Variants in EEFSEC observed in about 807,000 individuals in gnomAD.
EEFSEC encodes selenocysteine-specific elongation factor.
EEFSEC carries 43 observed loss-of-function variants against 42.1 expected under a neutral mutation model. The ratio of observed to expected loss-of-function variants is 1.02; its 90% CI spans 0.80 to 1.32. The LOEUF is 1.32. Among genes scored for constraint, EEFSEC ranks in the 40% most tolerant of loss-of-function variants. The probability of loss-of-function intolerance (pLI) is 0.00; values close to 1 mark genes in which losing one functional copy is unlikely to be tolerated. For missense variants in EEFSEC, 745 were observed against 803.6 expected, an observed-to-expected ratio of 0.93 and a Z score of 0.88; for synonymous variants, 354 against 339.1, an observed-to-expected ratio of 1.04 and a Z score of -0.48.
At chr3:128,396,321 C>T (rs116681863) in intron 6 of EEFSEC, among the ~76,000 whole-genome samples, 2,255 of 152,244 alleles carry the variant, frequency 0.015, 52 homozygotes, top group African/African-American at 0.051. Flanking sequence ...CAGCTACTGG[C>T]GAGGACATGT....
Position 128,263,801 on chromosome 3 carries a change from C to A in EEFSEC, c.622-816C>A, listed in dbSNP as rs188230774. ...GGTGATGAGCCCTGACAGCATCTCC[C>A]GGCACACAGGTGGCATGAGGAGAAT... On this transcript the variant is annotated intron_variant, in intron 3 of 6. Coordinates refer to ENST00000254730, the MANE Select transcript of EEFSEC (RefSeq NM_021937.5). Among the ~76,000 whole-genome samples, 780 of 152,322 alleles carry A rather than the reference C, an allele frequency of 5.1e-3. 13 individuals are homozygous for A. The highest frequency in any genetic ancestry group is 0.018 in the African/African-American group (754 of 41,558).
intron 6 of EEFSEC, among the ~76,000 whole-genome samples, chr3:128,381,336 C>G (rs960400655): frequency 1.3e-5 from 2 of 152,194 alleles, no homozygotes; most frequent in African/African-American, 4.8e-5. Context: ...ATTTGGCCCT[C>G]TCCCTGAGTG....
intron 1 of EEFSEC, among the ~76,000 whole-genome samples, chr3:128,240,049 G>A (rs1452341817): frequency 6.6e-6 from 1 of 152,250 alleles, no homozygotes; most frequent in Non-Finnish European, 1.5e-5. Context: ...GAGAGAGAGT[G>A]CATGAGTGTG....
intron 6 of EEFSEC, among the ~76,000 whole-genome samples, chr3:128,373,482 A>G (rs114576671): frequency 0.018 from 2,816 of 152,320 alleles, 92 homozygotes; most frequent in African/African-American, 0.063. Context: ...TCTGTGGCCC[A>G]CACAGGATCT....
chr3:128,423,061 T>A, the EEFSEC span, among the ~76,000 whole-genome samples: 3 of 152,222 alleles, frequency 2.0e-5, no homozygotes, highest in Non-Finnish European at 2.9e-5. Context: ...ACCCTGTCTG[T>A]GCCTCAGCGA....
chr3:128,337,742 G>A (rs1389375352), intron 4 of EEFSEC, among the ~76,000 whole-genome samples: 2 of 152,262 alleles, frequency 1.3e-5, no homozygotes, highest in Non-Finnish European at 2.9e-5. Context: ...GGATTTAGAA[G>A]GGAAGAGATG....
intron 4 of EEFSEC, among the ~76,000 whole-genome samples, chr3:128,269,901 G>T (rs1203441081): frequency 6.6e-5 from 10 of 152,224 alleles, no homozygotes. Context: ...TTCTGGTGAT[G>T]ATTGGCTATC....
At chr3:128,238,761 T>C (rs565730764) in intron 1 of EEFSEC, among the ~76,000 whole-genome samples, 1 of 152,322 alleles carries the variant, frequency 6.6e-6, no homozygotes, top group South Asian at 2.1e-4. Context: ...AAGTGTGTAA[T>C]GGCTGTTATT....
At chr3:128,351,613 C>T (rs1242750820) in intron 5 of EEFSEC, among the ~76,000 whole-genome samples, 1 of 152,258 alleles carries the variant, frequency 6.6e-6, no homozygotes, top group Non-Finnish European at 1.5e-5. Context: ...GGTCACTTCA[C>T]AGCTTGGGCA....
At chr3:128,297,664 G>A (rs1003489467) in intron 4 of EEFSEC, among the ~76,000 whole-genome samples, 1 of 152,210 alleles carries the variant, frequency 6.6e-6, no homozygotes, top group Non-Finnish European at 1.5e-5. Context: ...TTTGAGTCTT[G>A]TGCAGCCTGC....
At chr3:128,226,069 G>A (rs2107856305) in intron 1 of EEFSEC, among the ~76,000 whole-genome samples, 1 of 152,352 alleles carries the variant, frequency 6.6e-6, no homozygotes, top group Non-Finnish European at 1.5e-5. Flanking sequence ...GAGCTCAGGG[G>A]CTGTGGAAAC....
chr3:128,327,600 T>C (rs1044666578), intron 4 of EEFSEC, among the ~76,000 whole-genome samples: 1 of 152,042 alleles, frequency 6.6e-6, no homozygotes, highest in Non-Finnish European at 1.5e-5. Context: ...AGATGGGCCA[T>C]GAAGAATGAG....
chr3:128,403,365 A>G (rs1427966157), intron 6 of EEFSEC, among the ~76,000 whole-genome samples: 9 of 152,168 alleles, frequency 5.9e-5, no homozygotes, highest in Non-Finnish European at 1.5e-5. Flanking sequence ...AGAGGTCCAG[A>G]GCAGCCCCCA....
At chr3:128,186,226 C>G (rs1296582382) in intron 1 of EEFSEC, among the ~76,000 whole-genome samples, 1 of 152,124 alleles carries the variant, frequency 6.6e-6, no homozygotes, top group Non-Finnish European at 1.5e-5. Flanking sequence ...GTTAATATAT[C>G]TTCTTTGGAG....
In EEFSEC at chr3:128,318,614, C is replaced by T. The variant is rs1331251995; in HGVS notation, c.787-22619C>T. 5.3e-5 allele frequency among the ~76,000 whole-genome samples: 8 copies of T among 152,332 alleles called. No homozygotes were observed. In the East Asian group the frequency reaches 1.4e-3, roughly 26 times the overall value. ...TCTCCACAGCCATTTGTAAGTCCAG[C>T]GAGACTGCGGACTGCTGTCCCTGGT... On this transcript the variant is annotated intron_variant, in intron 4 of 6. Coordinates refer to ENST00000254730, the MANE Select transcript of EEFSEC (RefSeq NM_021937.5).
chr3:128,422,520 C>T, the EEFSEC span, among the ~76,000 whole-genome samples: 471 of 152,286 alleles, frequency 3.1e-3, 3 homozygotes, highest in African/African-American at 0.011. Context: ...GGGAAGTGTG[C>T]AGGGCCACGC....
At chr3:128,180,373 T>C (rs1479737893) in intron 1 of EEFSEC, among the ~76,000 whole-genome samples, 1 of 152,192 alleles carries the variant, frequency 6.6e-6, no homozygotes, top group African/African-American at 2.4e-5. Context: ...CCGTTTTTCT[T>C]CTTCTACACA....
chr3:128,205,020 C>G (rs553368487), intron 1 of EEFSEC, among the ~76,000 whole-genome samples: 5 of 152,118 alleles, frequency 3.3e-5, no homozygotes, highest in Non-Finnish European at 5.9e-5. Flanking sequence ...GGTTATAAGG[C>G]AGATTTGATT....
intron 1 of EEFSEC, among the ~76,000 whole-genome samples, chr3:128,218,238 T>C (rs1379725461): frequency 6.6e-6 from 1 of 152,216 alleles, no homozygotes; most frequent in Non-Finnish European, 1.5e-5. Context: ...GTTTCATGTA[T>C]AGGCCTCTTC....
Sources: gnomAD v4.1 joint callset for allele counts (sites outside exome capture counted in the v4.1 genomes callset) on GRCh38, gnomAD v4.1.1 for gene constraint, MANE v1.5 for transcripts, NCBI Gene and HGNC (gene_info 2026-07-23, HGNC 2026-07-21) for gene names.